Variants in SEMA3E observed in about 807,000 individuals in gnomAD.
SEMA3E encodes semaphorin 3E.
In SEMA3E, 49 loss-of-function variants were observed where a neutral mutation model predicts 93.6. The ratio of observed to expected loss-of-function variants is 0.52; its 90% CI spans 0.42 to 0.66. The LOEUF is 0.66. Ranked by LOEUF, SEMA3E falls within the 30% of genes least tolerant of loss-of-function variation. The pLI, the probability that SEMA3E is intolerant of heterozygous loss-of-function variation, is 0.00. For synonymous variants in SEMA3E, 363 were observed against 330.7 expected, an observed-to-expected ratio of 1.10 and a Z score of -1.06; for missense variants, 906 against 964.8, an observed-to-expected ratio of 0.94 and a Z score of 0.81.
In SEMA3E at chr7:83,545,789, A is replaced by G. The variant is rs1791636625; in HGVS notation, c.116-55515T>C. 2.8e-5 allele frequency among the ~76,000 whole-genome samples: 4 copies of G among 145,334 alleles called. No homozygotes were observed. In the Admixed American group the frequency reaches 2.8e-4, roughly 10 times the overall value. ...TGTGTGTATCCAGTAGAATGTGTGT[A>G]TATATATACAAATATATATCCAGTA... On this transcript the variant is annotated intron_variant, in intron 1 of 16. Transcript: ENST00000643230.
At chr7:83,528,142 A>C (rs1462915357) in intron 1 of SEMA3E, among the ~76,000 whole-genome samples, 1 of 152,078 alleles carries the variant, frequency 6.6e-6, no homozygotes, top group Non-Finnish European at 1.5e-5. Context: ...AAGTTAGCCT[A>C]CTGACAATAC....
At chr7:83,540,083 A>G (rs998844120) in intron 1 of SEMA3E, among the ~76,000 whole-genome samples, 1 of 152,116 alleles carries the variant, frequency 6.6e-6, no homozygotes, top group African/African-American at 2.4e-5. Context: ...GGCGTTTGCC[A>G]TGTTGGCCAG....
chr7:83,623,426 C>T (rs1197879699), intron 1 of SEMA3E, among the ~76,000 whole-genome samples: 1 of 152,010 alleles, frequency 6.6e-6, no homozygotes, highest in African/African-American at 2.4e-5. Context: ...ATAAAAATAA[C>T]CTGTGTGTTC....
At chr7:83,606,085 TCATTA>T (rs1443649301) in intron 1 of SEMA3E, among the ~76,000 whole-genome samples, 1 of 152,216 alleles carries the variant, frequency 6.6e-6, no homozygotes, top group East Asian at 1.9e-4. Flanking sequence ...TAAGCAGCAA[TCATTA>T]CATGTTTTGT....
intron 1 of SEMA3E, among the ~76,000 whole-genome samples, chr7:83,546,280 T>C (rs1791648409): frequency 6.7e-6 from 1 of 148,918 alleles, no homozygotes; most frequent in African/African-American, 2.5e-5. Context: ...AGTTGAATAC[T>C]AGGTGCTTAA....
chr7:83,540,983 A>G (rs1791518821), intron 1 of SEMA3E, among the ~76,000 whole-genome samples: 1 of 152,148 alleles, frequency 6.6e-6, no homozygotes, highest in Non-Finnish European at 1.5e-5. Context: ...TAGATGTCAC[A>G]AAAAATAATT....
chr7:83,524,760 C>T (rs1250300500), intron 1 of SEMA3E, among the ~76,000 whole-genome samples: 2 of 151,908 alleles, frequency 1.3e-5, no homozygotes, highest in African/African-American at 2.4e-5. Context: ...GAATTCAACC[C>T]GTAACTCTCT....
rs890656014 is a variant in SEMA3E, at chr7:83,375,894, T to C, written c.1876-7856A>G. On this transcript the variant is annotated intron_variant, in intron 16 of 16. Coordinates refer to ENST00000643230, the MANE Select transcript of SEMA3E (RefSeq NM_012431.3). ...CTCCATTTATACAATAGGAACTCTG[T>C]CTCCGCCATTGTAAAAGCAAGAAAC... Among the ~76,000 whole-genome samples the C allele has an allele frequency of 3.3e-5, 5 of 152,062 alleles. No homozygotes were observed. In the East Asian group the frequency reaches 9.6e-4, roughly 29 times the overall value.
At chr7:83,619,383 A>G (rs1448324278) in intron 1 of SEMA3E, among the ~76,000 whole-genome samples, 1 of 151,958 alleles carries the variant, frequency 6.6e-6, no homozygotes, top group African/African-American at 2.4e-5. Context: ...AAACCCAGAA[A>G]CAAAAACAAA....
intron 1 of SEMA3E, among the ~76,000 whole-genome samples, chr7:83,553,561 T>C (rs1422266905): frequency 1.3e-5 from 2 of 152,174 alleles, no homozygotes; most frequent in African/African-American, 4.8e-5. Context: ...CTTAGCTTAA[T>C]ATCTGGCCTC....
intron 7 of SEMA3E, among the ~76,000 whole-genome samples, chr7:83,406,623 A>G (rs2722981): frequency 6.6e-6 from 1 of 151,340 alleles, no homozygotes; most frequent in African/African-American, 2.4e-5. Flanking sequence ...ATTTTATTTG[A>G]TTCTCTCAAT....
chr7:83,551,043 A>G (rs1004483505), intron 1 of SEMA3E, among the ~76,000 whole-genome samples: 2 of 152,122 alleles, frequency 1.3e-5, no homozygotes, highest in African/African-American at 2.4e-5. Flanking sequence ...GTTGGTAAAC[A>G]TGTGGATGAA....
intron 1 of SEMA3E, among the ~76,000 whole-genome samples, chr7:83,544,195 A>C (rs925296949): frequency 6.6e-6 from 1 of 152,048 alleles, no homozygotes; most frequent in Non-Finnish European, 1.5e-5. Flanking sequence ...GTTAAAATAC[A>C]TTTAAGAGAA....
At chr7:83,393,664 A>G (rs891179905) in intron 13 of SEMA3E, among the ~76,000 whole-genome samples, 2 of 152,220 alleles carry the variant, frequency 1.3e-5, no homozygotes, top group African/African-American at 2.4e-5. Context: ...GTGGCTGAAC[A>G]TTTAATATAA....
chr7:83,448,603 A>G (rs746410661), intron 4 of SEMA3E, among the ~76,000 whole-genome samples: 27 of 152,352 alleles, frequency 1.8e-4, no homozygotes, highest in Middle Eastern at 3.4e-3. Flanking sequence ...AATGTGAAAT[A>G]TATCTTTAGA....
At chr7:83,558,351 G>C (rs1041883147) in intron 1 of SEMA3E, among the ~76,000 whole-genome samples, 15 of 152,074 alleles carry the variant, frequency 9.9e-5, no homozygotes, top group Admixed American at 9.8e-4. Flanking sequence ...CATATTGTTT[G>C]AATTTACAGG....
chr7:83,395,926 A>G (rs2709921), intron 12 of SEMA3E, among the ~76,000 whole-genome samples: 86,851 of 151,968 alleles, frequency 0.57, 28,518 homozygotes, highest in East Asian at 0.85. Flanking sequence ...TACGTTATAA[A>G]TAGAAATTTG....
Position 83,400,254 on chromosome 7 carries a change from A to G in SEMA3E, c.1144-4T>C. 1 of 1,613,080 alleles carries G rather than the reference A, an allele frequency of 6.2e-7. No homozygotes were observed. Among genetic ancestry groups the G allele is most frequent in the Non-Finnish European group, 8.5e-7 (1 of 1,179,048 alleles). Reference sequence around the variant, plus strand: ...CTCCATTTACTTTGCTGGCACACTGAAAAACAAGTGGATCAGATAATTCTT... The same window carrying G: ...CTCCATTTACTTTGCTGGCACACTGGAAAACAAGTGGATCAGATAATTCTT... On this transcript the variant is annotated splice_polypyrimidine_tract_variant and splice_region_variant and intron_variant, in intron 10 of 16. Coordinates refer to ENST00000643230, the MANE Select transcript of SEMA3E (RefSeq NM_012431.3).
chr7:83,515,232 T>A (rs1015555483), intron 1 of SEMA3E, among the ~76,000 whole-genome samples: 1 of 151,538 alleles, frequency 6.6e-6, no homozygotes, highest in African/African-American at 2.4e-5. Context: ...GGGAAGTTCC[T>A]GTGCTGCAGG....
Sources: allele counts gnomAD v4.1 joint callset (sites outside exome capture counted in the v4.1 genomes callset), GRCh38; gene constraint gnomAD v4.1.1; transcripts MANE v1.5; gene names NCBI Gene and HGNC (gene_info 2026-07-23, HGNC 2026-07-21).